TRAK1: variants seen among roughly 807,000 people sequenced by gnomAD.
The protein encoded by TRAK1 is trafficking kinesin-binding protein 1.
In TRAK1, 33 loss-of-function variants were observed where a neutral mutation model predicts 92.1. The observed-to-expected ratio is 0.36, with a 90% CI of 0.27 to 0.48. The LOEUF (loss-of-function observed/expected upper bound fraction) is 0.48. TRAK1 is among the 20% of genes least tolerant of loss of function. The pLI, the probability that TRAK1 is intolerant of heterozygous loss-of-function variation, is 0.99. For synonymous variants in TRAK1, 521 were observed against 517.3 expected (o/e 1.01, Z -0.10); for missense variants, 1,123 against 1,257.9 (o/e 0.89, Z 1.62).
intron 3 of TRAK1, among the ~76,000 whole-genome samples, chr3:42,178,086 G>A (rs536908958): frequency 3.3e-5 from 5 of 152,292 alleles, no homozygotes; most frequent in Admixed American, 3.3e-4. Flanking sequence ...TCCCCCAACA[G>A]TGCTCTCCAG....
At chr3:42,149,000 C>T (rs1401319544) in intron 2 of TRAK1, among the ~76,000 whole-genome samples, 1 of 152,112 alleles carries the variant, frequency 6.6e-6, no homozygotes, top group South Asian at 2.1e-4. Context: ...CTCTCCCTTG[C>T]CTGTACCCTT....
intron 6 of TRAK1, among the ~76,000 whole-genome samples, chr3:42,190,378 G>C (rs528053767): frequency 6.6e-6 from 1 of 152,270 alleles, no homozygotes; most frequent in East Asian, 1.9e-4. Flanking sequence ...TGAACAAGAT[G>C]CTCTTCTGCA....
At chr3:42,096,029 G>T (rs1301337266) in intron 1 of TRAK1, among the ~76,000 whole-genome samples, 1 of 152,160 alleles carries the variant, frequency 6.6e-6, no homozygotes, top group Non-Finnish European at 1.5e-5. Context: ...TCTTGGACTT[G>T]TCAGTCCCCA....
chr3:42,184,996 C>T lies in TRAK1; in HGVS notation c.480+195C>T. 5.4e-6 allele frequency: 3 copies of T among 558,042 alleles called. No homozygotes were observed. In the South Asian group the frequency reaches 7.8e-5, roughly 15 times the overall value. The allele number at this position is 558,042 out of a possible 1,614,324, so 34.6% of individuals were successfully genotyped here. A position where few individuals can be genotyped will look rare whatever the true frequency, so the allele number is the denominator to read the frequency against. Reference sequence around the variant, plus strand: ...AAAAGCCACCTTCCTGCAGCTCCTGCTGCTGCTTGTGTCTCTTTTCTTTCC... The same window carrying T: ...AAAAGCCACCTTCCTGCAGCTCCTGTTGCTGCTTGTGTCTCTTTTCTTTCC... On this transcript the variant is annotated intron_variant, in intron 4 of 15. Coordinates refer to ENST00000327628, the MANE Select transcript of TRAK1 (RefSeq NM_001042646.3).
At chr3:42,106,262 A>G (rs1203404130) in intron 1 of TRAK1, among the ~76,000 whole-genome samples, 10 of 152,372 alleles carry the variant, frequency 6.6e-5, no homozygotes, top group African/African-American at 2.2e-4. Context: ...AGTGTGCTGT[A>G]TTCAGGAGAC....
intron 1 of TRAK1, among the ~76,000 whole-genome samples, chr3:42,038,110 CCTGATA>C (rs1464042936): frequency 1.3e-5 from 2 of 152,146 alleles, no homozygotes; most frequent in Non-Finnish European, 2.9e-5. Flanking sequence ...CAGCCACTTG[CCTGATA>C]GAGATTTGGC....
chr3:42,027,261 C>A (rs1015191532), intron 1 of TRAK1, among the ~76,000 whole-genome samples: 3 of 152,156 alleles, frequency 2.0e-5, no homozygotes, highest in Non-Finnish European at 4.4e-5. Context: ...TGGTGGCTCA[C>A]GCCTGTAATC....
At chr3:42,135,773 A>T (rs1479158898) in intron 2 of TRAK1, among the ~76,000 whole-genome samples, 1 of 152,098 alleles carries the variant, frequency 6.6e-6, no homozygotes, top group East Asian at 1.9e-4. Flanking sequence ...AGATGTGGTC[A>T]TCTGTCAGTG....
intron 1 of TRAK1, among the ~76,000 whole-genome samples, chr3:42,114,320 T>C (rs538735095): frequency 6.6e-6 from 1 of 152,378 alleles, no homozygotes; most frequent in Non-Finnish European, 1.5e-5. Context: ...TTTTGAAATA[T>C]AAGCAGTGGC....
chr3:42,176,002 G>A (rs889307921), intron 2 of TRAK1, among the ~76,000 whole-genome samples: 4 of 152,156 alleles, frequency 2.6e-5, no homozygotes, highest in Non-Finnish European at 4.4e-5. Context: ...GTTGAGCGGC[G>A]AATCAGTTCC....
At chr3:42,171,968 C>T (rs1027085672) in intron 2 of TRAK1, among the ~76,000 whole-genome samples, 10 of 152,150 alleles carry the variant, frequency 6.6e-5, no homozygotes, top group Admixed American at 6.5e-4. Flanking sequence ...CCACCTCCAT[C>T]CCCCCTCTCC....
chr3:42,203,712 T>C, intron 13 of TRAK1: 1 of 985,070 alleles, frequency 1.0e-6, no homozygotes. Flanking sequence ...TTCCCAACTT[T>C]AAAAAAATTA....
At chr3:42,093,659 TCCCTTCCCTCCCCTCCCCTC>T (rs1705444466) in intron 1 of TRAK1, among the ~76,000 whole-genome samples, 1 of 32,532 alleles carries the variant, frequency 3.1e-5, no homozygotes, top group African/African-American at 1.0e-4. Flanking sequence ...CCCCTTCCCT[TCCCTTCCCTCCCCTCCCCTC>T]CCCTCCCCTC....
intron 1 of TRAK1, among the ~76,000 whole-genome samples, chr3:42,099,759 G>T (rs1425310896): frequency 6.6e-6 from 1 of 152,166 alleles, no homozygotes; most frequent in African/African-American, 2.4e-5. Context: ...GACCATTCAG[G>T]TTGTCATACC....
intron 1 of TRAK1, among the ~76,000 whole-genome samples, chr3:42,046,854 C>T (rs564470172): frequency 9.2e-5 from 14 of 152,116 alleles, no homozygotes; most frequent in Admixed American, 7.2e-4. Context: ...TCAATATGTG[C>T]GTGCTTTTTG....
chr3:42,088,597 T>G (rs1437904741), upstream of TRAK1, among the ~76,000 whole-genome samples: 1 of 152,218 alleles, frequency 6.6e-6, no homozygotes, highest in Non-Finnish European at 1.5e-5. Context: ...TTCTGTTTGC[T>G]TACTCTAGTT....
intron 1 of TRAK1, among the ~76,000 whole-genome samples, chr3:42,059,062 G>T (rs1039636603): frequency 6.6e-6 from 1 of 151,914 alleles, no homozygotes; most frequent in East Asian, 1.9e-4. Context: ...ATATACATAC[G>T]TATGATATAA....
rs533949656 is a variant in TRAK1, at chr3:42,212,984, G to A, written c.1963+2999G>A. The stretch of plus-strand genomic sequence containing the variant: ...GGGAGATATCCTCAAAAACTTACAC[G>A]AATCATGGCATCTTGACATCTTACC... On this transcript the variant is annotated intron_variant, in intron 14 of 15. Transcript: ENST00000327628. Among the ~76,000 whole-genome samples the A allele has an allele frequency of 4.6e-5, 7 of 151,840 alleles. No individual in the cohort carries two copies. In the South Asian group the frequency reaches 1.5e-3, roughly 32 times the overall value.
chr3:42,220,445 G>T (rs1003823184), intron 15 of TRAK1: 1 of 980,336 alleles, frequency 1.0e-6, no homozygotes, highest in Non-Finnish European at 1.2e-6. Flanking sequence ...TAAAGCAGAA[G>T]GGGTGGGAAC....
Sources: allele counts gnomAD v4.1 joint callset (sites outside exome capture counted in the v4.1 genomes callset), GRCh38; gene constraint gnomAD v4.1.1; transcripts MANE v1.5; gene names NCBI Gene and HGNC (gene_info 2026-07-23, HGNC 2026-07-21).